Variants in INPP4B observed in about 807,000 individuals in gnomAD.
INPP4B encodes inositol polyphosphate 4-phosphatase type II.
In INPP4B, 55 loss-of-function variants were observed where a neutral mutation model predicts 122.5. That is an observed-to-expected ratio of 0.45 (90% CI 0.36 to 0.56). The LOEUF (loss-of-function observed/expected upper bound fraction) is 0.56. Among genes scored for constraint, INPP4B ranks in the 20% least tolerant of loss-of-function variants. The pLI is 0.00. For synonymous variants in INPP4B, 403 were observed against 388.7 expected, an observed-to-expected ratio of 1.04 and a Z score of -0.43; for missense variants, 1,000 against 1,097.7, an observed-to-expected ratio of 0.91 and a Z score of 1.26.
chr4:142,653,673 C>A (rs1156554076), intron 2 of INPP4B, among the ~76,000 whole-genome samples: 1 of 152,090 alleles, frequency 6.6e-6, no homozygotes, highest in Non-Finnish European at 1.5e-5. Flanking sequence ...CAATGAGATA[C>A]CATCTCATAC....
intron 1 of INPP4B, among the ~76,000 whole-genome samples, chr4:142,772,524 G>C (rs1773244882): frequency 6.6e-6 from 1 of 152,178 alleles, no homozygotes; most frequent in Non-Finnish European, 1.5e-5. Flanking sequence ...GAAAAGGGAA[G>C]GAGCTGAAGT....
At chr4:142,518,968 T>C (rs4975307) in intron 2 of INPP4B, 7,731 of 152,296 alleles carry the variant, frequency 0.051, 250 homozygotes, top group Non-Finnish European at 0.08. Flanking sequence ...TAATAAATGT[T>C]CATTGTTATA....
At chr4:142,696,425 G>A (rs568293771) in intron 2 of INPP4B, among the ~76,000 whole-genome samples, 4 of 152,240 alleles carry the variant, frequency 2.6e-5, no homozygotes, top group African/African-American at 9.6e-5. Flanking sequence ...CTAGCTGAGG[G>A]GACAAAATAT....
At chr4:142,533,523 C>G (rs1390278525) in intron 2 of INPP4B, among the ~76,000 whole-genome samples, 1 of 151,774 alleles carries the variant, frequency 6.6e-6, no homozygotes, top group East Asian at 1.9e-4. Flanking sequence ...CAACAACACC[C>G]CAAGAACATA....
intron 16 of INPP4B, 135 bp downstream of exon 16, chr4:142,173,497 T>C: frequency 1.5e-6 from 1 of 665,300 alleles, no homozygotes; most frequent in Non-Finnish European, 2.5e-6. Flanking sequence ...CCTGTGGCAA[T>C]ACTTTGAAGC....
At chr4:142,633,411 C>A (rs56267841) in intron 2 of INPP4B, among the ~76,000 whole-genome samples, 3,974 of 152,136 alleles carry the variant, frequency 0.026, 74 homozygotes, top group Non-Finnish European at 0.041. Context: ...AAATATAGAG[C>A]GCTTTTCCCA....
At chr4:142,213,205 C>T (rs34733226) in intron 12 of INPP4B, among the ~76,000 whole-genome samples, 13,214 of 152,172 alleles carry the variant, frequency 0.087, 773 homozygotes, top group South Asian at 0.21. Context: ...CATAATTCAC[C>T]CACTTAGGAC....
chr4:142,237,279 A>G (rs1477785173), intron 12 of INPP4B, among the ~76,000 whole-genome samples: 1 of 152,142 alleles, frequency 6.6e-6, no homozygotes, highest in Admixed American at 6.5e-5. Context: ...TGAGGAAAAG[A>G]CACAAGAATT....
chr4:142,297,673 G>A (rs1308684132), intron 9 of INPP4B, among the ~76,000 whole-genome samples: 2 of 152,166 alleles, frequency 1.3e-5, no homozygotes, highest in African/African-American at 2.4e-5. Context: ...GCAAAACCAT[G>A]AGCCAATTAA....
intron 11 of INPP4B, among the ~76,000 whole-genome samples, chr4:142,256,788 T>C (rs942115215): frequency 1.3e-5 from 2 of 152,192 alleles, no homozygotes; most frequent in Non-Finnish European, 2.9e-5. Flanking sequence ...AAGGAGGAAC[T>C]GGTACCATTC....
intron 2 of INPP4B, among the ~76,000 whole-genome samples, chr4:142,482,399 A>G (rs1466423975): frequency 6.6e-6 from 1 of 152,140 alleles, no homozygotes; most frequent in East Asian, 1.9e-4. Flanking sequence ...ATATTATCCA[A>G]TTAAGCTTTT....
intron 1 of INPP4B, among the ~76,000 whole-genome samples, chr4:142,728,028 G>T (rs1452880826): frequency 2.0e-5 from 3 of 152,148 alleles, no homozygotes; most frequent in Admixed American, 1.3e-4. Context: ...GGAAGATGGG[G>T]TAATGCATAC....
chr4:142,243,802 G>A (rs1370392033), intron 11 of INPP4B, among the ~76,000 whole-genome samples: 1 of 152,094 alleles, frequency 6.6e-6, no homozygotes, highest in African/African-American at 2.4e-5. Flanking sequence ...TTGGATGGGG[G>A]TGGTAATGAG....
At chr4:142,112,156 A>G (rs1790513641) in intron 22 of INPP4B, among the ~76,000 whole-genome samples, 1 of 152,220 alleles carries the variant, frequency 6.6e-6, no homozygotes, top group South Asian at 2.1e-4. Context: ...TAAAATAAAC[A>G]CAAAAAAGAG....
chr4:142,543,664 T>C (rs1212597569), intron 2 of INPP4B, among the ~76,000 whole-genome samples: 2 of 152,160 alleles, frequency 1.3e-5, no homozygotes, highest in African/African-American at 4.8e-5. Flanking sequence ...TTTTCCTTTT[T>C]AAATCTTAAC....
chr4:142,442,081 G>C (rs1325894878), intron 3 of INPP4B, among the ~76,000 whole-genome samples: 1 of 151,898 alleles, frequency 6.6e-6, no homozygotes, highest in Non-Finnish European at 1.5e-5. Context: ...TGTAGAAAAA[G>C]ATTTTTCAAC....
Position 142,545,897 on chromosome 4 carries a change from T to C in INPP4B, c.-190-83171A>G, listed in dbSNP as rs190968488. On this transcript the variant is annotated intron_variant, in intron 2 of 25. Transcript: ENST00000262992. ...ATTTCAGAAAAACATGACTGGGACA[T>C]TCATCTTTCAAGAATCAGTTTCTTT... Among the ~76,000 whole-genome samples, 596 of 151,246 alleles carry C rather than the reference T, an allele frequency of 3.9e-3. 2 individuals are homozygous for C. The highest frequency in any genetic ancestry group is 7.0e-3 in the Middle Eastern group (2 of 286).
intron 7 of INPP4B, among the ~76,000 whole-genome samples, chr4:142,366,457 C>T (rs1011703848): frequency 1.8e-4 from 27 of 151,946 alleles, no homozygotes; most frequent in African/African-American, 6.5e-4. Context: ...TTAAAAGACG[C>T]ATTGAGTTTT....
At chr4:142,086,870 A>C (rs2152549886) in intron 23 of INPP4B, among the ~76,000 whole-genome samples, 1 of 152,366 alleles carries the variant, frequency 6.6e-6, no homozygotes, top group African/African-American at 2.4e-5. Context: ...CTTTAACAAA[A>C]GCATAAGACA....
Sources: gnomAD v4.1 joint callset for allele counts (sites outside exome capture counted in the v4.1 genomes callset) on GRCh38, gnomAD v4.1.1 for gene constraint, MANE v1.5 for transcripts, NCBI Gene and HGNC (gene_info 2026-07-23, HGNC 2026-07-21) for gene names.